Variants in SLC17A1 observed in about 807,000 individuals in gnomAD.
SLC17A1 encodes solute carrier family 17 member 1.
In SLC17A1, 51 loss-of-function variants were observed where a neutral mutation model predicts 53.5. The observed-to-expected ratio is 0.95, with a 90% CI of 0.76 to 1.20. The LOEUF is 1.20. SLC17A1 is among the 50% of genes most tolerant of loss of function. The probability of loss-of-function intolerance (pLI) is 0.00; values close to 1 mark genes in which losing one functional copy is unlikely to be tolerated. For synonymous variants in SLC17A1, 179 were observed against 198.8 expected, an observed-to-expected ratio of 0.90 and a Z score of 0.84; for missense variants, 538 against 568.2, an observed-to-expected ratio of 0.95 and a Z score of 0.54.
At chr6:25,779,216 G>T (rs1763180755), downstream of SLC17A1, 11 of 1,611,250 alleles carry the variant, frequency 6.8e-6, no homozygotes, top group Non-Finnish European at 6.8e-6. Flanking sequence ...CTAGATCCTG[G>T]TGCTTAGTTC....
At chr6:25,802,218 T>A (rs576183442) in intron 10 of SLC17A1, among the ~76,000 whole-genome samples, 2 of 152,306 alleles carry the variant, frequency 1.3e-5, no homozygotes, top group Non-Finnish European at 2.9e-5. Context: ...ACGAGTTTGT[T>A]TTTTATCTTC....
chr6:25,797,157 C>A (rs1763618423), intron 12 of SLC17A1, among the ~76,000 whole-genome samples: 1 of 152,190 alleles, frequency 6.6e-6, no homozygotes, highest in Non-Finnish European at 1.5e-5. Flanking sequence ...AACAAACAAA[C>A]AAAACCCTCC....
intron 3 of SLC17A1, among the ~76,000 whole-genome samples, chr6:25,823,160 A>G (rs1380525622): frequency 9.2e-5 from 14 of 152,084 alleles, no homozygotes; most frequent in Non-Finnish European, 1.8e-4. Flanking sequence ...GCTAAGTAGT[A>G]CTCCATTTTA....
intron 5 of SLC17A1, 51 bp from the exon 6 acceptor site, chr6:25,819,205 C>A (rs1377192036): frequency 7.6e-7 from 1 of 1,313,768 alleles, no homozygotes; most frequent in Non-Finnish European, 1.1e-6. Flanking sequence ...CATCTGAAAG[C>A]AGAGATAATG....
chr6:25,782,101 G>A (rs962046678), downstream of SLC17A1, among the ~76,000 whole-genome samples: 1 of 152,212 alleles, frequency 6.6e-6, no homozygotes, highest in South Asian at 2.1e-4. Flanking sequence ...GAGATGGTGT[G>A]AGGACAGCTC....
chr6:25,829,875 A>G (rs1764885013), intron 2 of SLC17A1, among the ~76,000 whole-genome samples: 1 of 152,196 alleles, frequency 6.6e-6, no homozygotes, highest in East Asian at 1.9e-4. Flanking sequence ...ATAGAAAAAA[A>G]CATATATATA....
At chr6:25,790,655 C>T (rs1163028931) in intron 12 of SLC17A1, among the ~76,000 whole-genome samples, 2 of 151,988 alleles carry the variant, frequency 1.3e-5, no homozygotes, top group African/African-American at 2.4e-5. Flanking sequence ...TTTAACAAAA[C>T]TCAATTTCTA....
In SLC17A1 at chr6:25,819,158, A is replaced by G; in HGVS notation, c.530-4T>C. On this transcript the variant is annotated splice_polypyrimidine_tract_variant and splice_region_variant and intron_variant, in intron 5 of 12. Transcript: ENST00000244527. ...ATAAAGGGTCCCAGCAAAAACCCTA[A>G]TCAGTAGGTACAAAGAACACCCCTA... 2.5e-6 allele frequency: 4 copies of G among 1,596,566 alleles called. No homozygotes were observed. The highest frequency in any genetic ancestry group is 3.4e-6 in the Non-Finnish European group (4 of 1,171,008).
At chr6:25,745,376 A>G in the SLC17A1 span, among the ~76,000 whole-genome samples, 2 of 152,168 alleles carry the variant, frequency 1.3e-5, no homozygotes, top group Admixed American at 1.3e-4. Flanking sequence ...ATATGTACGT[A>G]TTCACTTTTC....
chr6:25,757,882 G>C, the SLC17A1 span, among the ~76,000 whole-genome samples: 2 of 152,216 alleles, frequency 1.3e-5, no homozygotes, highest in Non-Finnish European at 2.9e-5. Flanking sequence ...TCCTTTCTCA[G>C]GTGTTGGGCA....
chr6:25,725,846 G>C, the SLC17A1 span, among the ~76,000 whole-genome samples: 59,467 of 151,922 alleles, frequency 0.39, 12,757 homozygotes, highest in East Asian at 0.74. Context: ...AACCTCCACT[G>C]AAGTGCAAGT....
the SLC17A1 span, chr6:25,769,929 T>A: frequency 1.4e-6 from 1 of 736,706 alleles, no homozygotes; most frequent in Admixed American, 2.3e-5. Context: ...TTTAAATACA[T>A]GATACTGGTA....
chr6:25,797,529 T>C (rs929372733), intron 12 of SLC17A1, among the ~76,000 whole-genome samples: 8 of 152,202 alleles, frequency 5.3e-5, no homozygotes, highest in Non-Finnish European at 1.2e-4. Flanking sequence ...TATACCTTTA[T>C]AGTGTTTCAT....
At chr6:25,831,061 C>A (rs1239927815) in intron 1 of SLC17A1, among the ~76,000 whole-genome samples, 4 of 152,102 alleles carry the variant, frequency 2.6e-5, no homozygotes, top group South Asian at 4.2e-4. Flanking sequence ...CCCCCTGTAT[C>A]TTAATAGAGC....
the SLC17A1 span, among the ~76,000 whole-genome samples, chr6:25,728,805 C>CTCCG: frequency 6.6e-6 from 1 of 152,214 alleles, no homozygotes; most frequent in South Asian, 2.1e-4. Context: ...CAGAGCGAGA[C>CTCCG]TCCGTCTCAA....
intron 3 of SLC17A1, among the ~76,000 whole-genome samples, chr6:25,825,487 T>C (rs945501419): frequency 6.6e-6 from 1 of 152,038 alleles, no homozygotes; most frequent in Non-Finnish European, 1.5e-5. Flanking sequence ...CTTATTTGCA[T>C]GGTTTCTGAT....
chr6:25,811,860 A>G (rs1455312081), intron 8 of SLC17A1, 90 bp from the exon 9 acceptor site: 2 of 1,364,512 alleles, frequency 1.5e-6, no homozygotes, highest in East Asian at 4.7e-5. Context: ...TTTATTATCT[A>G]AAATGTGTAC....
intron 3 of SLC17A1, among the ~76,000 whole-genome samples, chr6:25,825,629 T>C (rs1435831515): frequency 7.2e-5 from 11 of 152,010 alleles, no homozygotes. Flanking sequence ...TTCTTTGTTT[T>C]TGTTTTTGCT....
At chr6:25,804,185 C>G (rs542350813) in intron 10 of SLC17A1, among the ~76,000 whole-genome samples, 1 of 152,192 alleles carries the variant, frequency 6.6e-6, no homozygotes, top group East Asian at 1.9e-4. Flanking sequence ...GCTTAACTAT[C>G]CAGAATTCTC....
Sources: gnomAD v4.1 joint callset for allele counts (sites outside exome capture counted in the v4.1 genomes callset) on GRCh38, gnomAD v4.1.1 for gene constraint, MANE v1.5 for transcripts, NCBI Gene and HGNC (gene_info 2026-07-23, HGNC 2026-07-21) for gene names.